Variants in PICK1 observed in about 807,000 individuals in gnomAD.
The protein encoded by PICK1 is protein interacting with PRKCA 1.
PICK1 carries 23 observed loss-of-function variants against 48.9 expected under a neutral mutation model. That is an observed-to-expected ratio of 0.47 (90% CI 0.34 to 0.67). The LOEUF is 0.67. Ranked by LOEUF, PICK1 falls within the 30% of genes least tolerant of loss-of-function variation. The pLI is 0.01. For missense variants in PICK1, 423 were observed against 557.1 expected (o/e 0.76, Z 2.42); for synonymous variants, 217 against 228.2 (o/e 0.95, Z 0.44).
chr22:38,067,611 G>T, intron 4 of PICK1, 93 bp from the exon 5 acceptor site: 1 of 1,143,878 alleles, frequency 8.7e-7, no homozygotes, highest in Non-Finnish European at 1.3e-6. Flanking sequence ...ACCCGGCCTT[G>T]GGCTCAGGAG....
intron 3 of PICK1, among the ~76,000 whole-genome samples, chr22:38,064,692 C>T (rs951083880): frequency 2.0e-5 from 3 of 152,112 alleles, no homozygotes; most frequent in Non-Finnish European, 4.4e-5. Flanking sequence ...ACCCGGGAGG[C>T]GGAGGTTGCG....
chr22:38,072,577 G>A lies in PICK1; in HGVS notation c.657G>A (p.Lys219=), dbSNP rs1275617773. ...KFADAHRSIE[K]FGIRLLKTIK... ...CCGATGCCCACCGCAGCATCGAGAA[G>A]TTCGGCATTCGGCTTCTGAAAACCA... Residue 219 remains lysine (K), a synonymous_variant, in exon 9 of 13, where the codon AAG becomes AAA. Coordinates refer to ENST00000356976, the MANE Select transcript of PICK1 (RefSeq NM_012407.4). 1 of 1,613,418 alleles carries A rather than the reference G, an allele frequency of 6.2e-7. No individual in the cohort carries two copies. The highest frequency in any genetic ancestry group is 1.7e-5 in the Admixed American group (1 of 60,032).
chr22:38,074,125 T>C lies in PICK1; in HGVS notation c.835-182T>C. 1.4e-6 allele frequency: 1 copy of C among 699,478 alleles called. No individual in the cohort carries two copies. Among genetic ancestry groups the C allele is most frequent in the Non-Finnish European group, 2.4e-6 (1 of 420,146 alleles). 43.3% of individuals were successfully genotyped at this position (699,478 alleles called of 1,614,324 possible). ...GATCCATTTCGTGGCCAGTGTTCAT[T>C]GAATGTGGCAGAGGTTTGGGTTTGG... On this transcript the variant is annotated intron_variant, in intron 11 of 12. Transcript: ENST00000356976. The surrounding 1 kb of genome is among the most constrained non-coding windows in gnomAD (Gnocchi z 4.5).
rs760538633 is a variant in PICK1 at position 38,066,614 on chromosome 22, C to T, written c.283-1090C>T. ...CCGACTCCCACTGCAGCCCGCTTGC[C>T]GTTGGCCTACAGCTGCTCCCTGTGG... On this transcript the variant is annotated intron_variant, in intron 4 of 12. Transcript: ENST00000356976. This position sits in a 1 kb window ranked among gnomAD's most constrained non-coding sequence, Gnocchi z 4.1. Among the ~76,000 whole-genome samples the T allele has an allele frequency of 2.6e-5, 4 of 152,234 alleles. No homozygotes were observed. The highest frequency in any genetic ancestry group is 4.4e-5 in the Non-Finnish European group (3 of 68,046).
intron 3 of PICK1, among the ~76,000 whole-genome samples, chr22:38,061,995 G>A (rs571072407): frequency 1.1e-4 from 17 of 152,246 alleles, no homozygotes; most frequent in African/African-American, 3.9e-4. Flanking sequence ...GATTTTGTTC[G>A]GGAAATCTTT....
intron 3 of PICK1, among the ~76,000 whole-genome samples, chr22:38,060,003 G>T (rs978917038): frequency 1.1e-4 from 16 of 152,196 alleles, no homozygotes; most frequent in Non-Finnish European, 1.9e-4. Context: ...CACGAGGTCA[G>T]GAGTTCGAGA....
chr22:38,069,215 G>A, intron 6 of PICK1, 93 bp downstream of exon 6: 1 of 882,930 alleles, frequency 1.1e-6, no homozygotes, highest in Non-Finnish European at 1.8e-6. Flanking sequence ...AGCTGCTGTG[G>A]GTCCCGCGGG....
intron 3 of PICK1, among the ~76,000 whole-genome samples, chr22:38,060,304 G>T (rs1251463948): frequency 6.6e-6 from 1 of 152,218 alleles, no homozygotes; most frequent in Non-Finnish European, 1.5e-5. Flanking sequence ...TCTGCCAGTG[G>T]TGAGGAACAC....
chr22:38,073,695 G>A lies in PICK1; in HGVS notation c.784-78G>A, dbSNP rs1428046327. 7.7e-6 allele frequency: 10 copies of A among 1,297,994 alleles called. No homozygotes were observed. In the South Asian group the frequency reaches 8.3e-5, roughly 11 times the overall value. 80.4% of individuals were successfully genotyped at this position (1,297,994 alleles called of 1,614,324 possible). A position where few individuals can be genotyped will look rare whatever the true frequency, so the allele number is the denominator to read the frequency against. On this transcript the variant is annotated intron_variant, in intron 10 of 12. Coordinates refer to ENST00000356976, the MANE Select transcript of PICK1 (RefSeq NM_012407.4). The surrounding 1 kb of genome is among the most constrained non-coding windows in gnomAD (Gnocchi z 5.7). Reference sequence around the variant, plus strand: ...CACCTGCGCCAGCCTCTCCTGCTGCGTGTGGGTGATGGGGGTGGAGCTGGG... The same window carrying A: ...CACCTGCGCCAGCCTCTCCTGCTGCATGTGGGTGATGGGGGTGGAGCTGGG...
rs774008014 is a variant in PICK1 at position 38,070,793 on chromosome 22, G to A, written c.440-45G>A. 25 of 1,582,732 alleles carry A rather than the reference G, an allele frequency of 1.6e-5. No homozygotes were observed. In the South Asian group the frequency reaches 2.2e-4, roughly 14 times the overall value. Reference sequence around the variant, plus strand: ...CCAGCATGGCCCTGGGCCTCCTGTGGCTTGCTGAGCCCACTGACCTCCCCT... The same window carrying A: ...CCAGCATGGCCCTGGGCCTCCTGTGACTTGCTGAGCCCACTGACCTCCCCT... On this transcript the variant is annotated intron_variant, in intron 6 of 12. Transcript: ENST00000356976.
chr22:38,059,684 T>G (rs1490397771), intron 3 of PICK1, among the ~76,000 whole-genome samples: 1 of 152,210 alleles, frequency 6.6e-6, no homozygotes, highest in Non-Finnish European at 1.5e-5. Flanking sequence ...AAATTGACTA[T>G]TGAATCAACA....
intron 2 of PICK1, 122 bp downstream of exon 2, chr22:38,057,972 G>C (rs2085311066): frequency 7.4e-6 from 6 of 808,190 alleles, no homozygotes; most frequent in Non-Finnish European, 1.3e-5. Context: ...TACTGAAGCA[G>C]CAATGGACCC....
intron 7 of PICK1, 23 bp downstream of exon 7, chr22:38,070,914 C>T (rs760101429): frequency 6.2e-6 from 10 of 1,602,800 alleles, no homozygotes; most frequent in Admixed American, 1.7e-5. Flanking sequence ...TGGCCTCGTC[C>T]TGGCACTAGC....
In PICK1 at chr22:38,073,673, C is replaced by G; in HGVS notation, c.784-100C>G. ...GCCCGCTCTGGGACTCCCTGAACAC[C>G]TGCGCCAGCCTCTCCTGCTGCGTGT... On this transcript the variant is annotated intron_variant, in intron 10 of 12. Transcript: ENST00000356976. This position sits in a 1 kb window ranked among gnomAD's most constrained non-coding sequence, Gnocchi z 5.7. The G allele has an allele frequency of 9.0e-7, 1 of 1,106,830 alleles. No individual in the cohort carries two copies. The highest frequency in any genetic ancestry group is 1.4e-6 in the Non-Finnish European group (1 of 720,490). The allele number at this position is 1,106,830 out of a possible 1,614,324, so 68.6% of individuals were successfully genotyped here.
Position 38,062,341 on chromosome 22 carries a change from G to A in PICK1, c.154-2661G>A, listed in dbSNP as rs556771485. 1.8e-4 allele frequency among the ~76,000 whole-genome samples: 27 copies of A among 151,704 alleles called. No homozygotes were observed. In the East Asian group the frequency reaches 2.3e-3, roughly 13 times the overall value. ...TGGCTCACTGCAACCTCCAGCCCCC[G>A]GGTTCAAGTGATTCCCCTGCCTCAG... On this transcript the variant is annotated intron_variant, in intron 3 of 12. Transcript: ENST00000356976.
Position 38,072,607 on chromosome 22 carries a change from G to A in PICK1, c.687G>A (p.Lys229=). 6.2e-7 allele frequency: 1 copy of A among 1,613,200 alleles called. No individual in the cohort carries two copies. Among genetic ancestry groups the A allele is most frequent in the Non-Finnish European group, 8.5e-7 (1 of 1,180,022 alleles). ...GCATTCGGCTTCTGAAAACCATCAA[G>A]CCGGTAGGTCCTATTGAGCATGTGT... The part of the protein sequence containing the change: ...KFGIRLLKTI[K]PMLTDLNTYL... The change falls in exon 9 of 13, where the codon AAG becomes AAA. Residue 229 remains lysine, a synonymous_variant. Coordinates refer to ENST00000356976, the MANE Select transcript of PICK1 (RefSeq NM_012407.4).
At position 38,065,523 on chromosome 22, in the gene PICK1, G is replaced by A. The variant is rs552928810; in HGVS notation, c.282+393G>A. Among the ~76,000 whole-genome samples, 50 of 152,262 alleles carry A rather than the reference G, an allele frequency of 3.3e-4. No homozygotes were observed. The South Asian group carries it at 9.5e-3, about 29-fold the overall frequency. On this transcript the variant is annotated intron_variant, in intron 4 of 12. Coordinates refer to ENST00000356976, the MANE Select transcript of PICK1 (RefSeq NM_012407.4). ...CACCCAATAATGTCAGCCGGGTCAC[G>A]CTGGGCCTGTGAGGGCTAGGAGGGA...
intron 3 of PICK1, among the ~76,000 whole-genome samples, chr22:38,062,833 A>G (rs1461800364): frequency 6.6e-6 from 1 of 152,170 alleles, no homozygotes; most frequent in Non-Finnish European, 1.5e-5. Flanking sequence ...GTTGACAGTA[A>G]TTCCTGTGTG....
rs1376176537 is a variant in PICK1 at position 38,075,581 on chromosome 22, C to T, written c.*449C>T. 5.8e-6 allele frequency: 1 copy of T among 171,384 alleles called. No individual in the cohort carries two copies. Among genetic ancestry groups the T allele is most frequent in the Non-Finnish European group, 1.3e-5 (1 of 79,144 alleles). 10.6% of individuals were successfully genotyped at this position (171,384 alleles called of 1,614,324 possible). A position where few individuals can be genotyped will look rare whatever the true frequency, so the allele number is the denominator to read the frequency against. ...ACCCTTGCCTCGCCCCAGACCGGCC[C>T]GTCCAGTCCCCATCACACCTCGGCG... On this transcript the variant is annotated 3_prime_UTR_variant, in exon 13 of 13. Coordinates refer to ENST00000356976, the MANE Select transcript of PICK1 (RefSeq NM_012407.4).
Sources: gnomAD v4.1 joint callset for allele counts (sites outside exome capture counted in the v4.1 genomes callset) on GRCh38, gnomAD v4.1.1 for gene constraint, Gnocchi (gnomAD v3.1) non-coding constraint, MANE v1.5 for transcripts, NCBI Gene and HGNC (gene_info 2026-07-23, HGNC 2026-07-21) for gene names.